The following PRR5L variants were observed in gnomAD, a reference collection of about 807,000 sequenced individuals.
PRR5L encodes proline-rich protein 5-like.
In PRR5L, 21 loss-of-function variants were observed where a neutral mutation model predicts 36.4. That is an observed-to-expected ratio of 0.58 (90% CI 0.41 to 0.83). PRR5L has a LOEUF of 0.83. Ranked by LOEUF, PRR5L falls within the 40% of genes least tolerant of loss-of-function variation. The probability of loss-of-function intolerance (pLI) is 0.00; values close to 1 mark genes in which losing one functional copy is unlikely to be tolerated. For missense variants in PRR5L, 381 were observed against 473.3 expected (o/e 0.80, Z 1.81); for synonymous variants, 188 against 197.0 (o/e 0.95, Z 0.38).
intron 4 of PRR5L, among the ~76,000 whole-genome samples, chr11:36,430,499 T>C (rs1858471391): frequency 6.6e-6 from 1 of 152,220 alleles, no homozygotes; most frequent in African/African-American, 2.4e-5. Context: ...TTGGTTAATG[T>C]GTATCCATCA....
intron 1 of PRR5L, among the ~76,000 whole-genome samples, chr11:36,299,721 G>T (rs1000538058): frequency 6.6e-6 from 1 of 152,202 alleles, no homozygotes; most frequent in South Asian, 2.1e-4. Flanking sequence ...ATTATTCAGC[G>T]AGTGGCGGGG....
At chr11:36,376,736 G>T in intron 1 of PRR5L, 1 of 984,796 alleles carries the variant, frequency 1.0e-6, no homozygotes, top group Non-Finnish European at 1.2e-6. Context: ...TCTCTGGGAG[G>T]GGCCGGAGTC....
At chr11:36,374,295 A>G (rs966041298) in intron 1 of PRR5L, among the ~76,000 whole-genome samples, 2 of 151,982 alleles carry the variant, frequency 1.3e-5, no homozygotes, top group Admixed American at 1.3e-4. Context: ...GGGTTTCGCT[A>G]TGTTGGCCAG....
At chr11:36,387,381 C>T (rs183217904) in intron 1 of PRR5L, among the ~76,000 whole-genome samples, 1 of 151,696 alleles carries the variant, frequency 6.6e-6, no homozygotes, top group Non-Finnish European at 1.5e-5. Flanking sequence ...CAAACCTGCA[C>T]GTTGTGCACA....
In PRR5L at chr11:36,411,108, A is replaced by T. The variant is rs375906518; in HGVS notation, c.245+7730A>T. 2.0e-5 allele frequency among the ~76,000 whole-genome samples: 3 copies of T among 152,250 alleles called. No homozygotes were observed. The East Asian group carries it at 5.8e-4, about 29-fold the overall frequency. ...AAGCTGCCTCATCGTCTTTAACCTC[A>T]TGTGGGAAGAGAGTTGGGACAAGCA... On this transcript the variant is annotated intron_variant, in intron 3 of 8. Coordinates refer to ENST00000530639, the MANE Select transcript of PRR5L (RefSeq NM_001160167.2).
intron 1 of PRR5L, among the ~76,000 whole-genome samples, chr11:36,397,824 T>C (rs992845055): frequency 6.6e-6 from 1 of 151,088 alleles, no homozygotes; most frequent in Non-Finnish European, 1.5e-5. Context: ...GAGACGAGTT[T>C]CGCTCTTGTT....
At chr11:36,431,805 C>T (rs571024024) in intron 4 of PRR5L, 48 bp from the exon 5 acceptor site, 47 of 1,563,276 alleles carry the variant, frequency 3.0e-5, no homozygotes, top group East Asian at 2.7e-4. Flanking sequence ...TCATCACTTA[C>T]GCTCTGGAGT....
chr11:36,342,677 G>A (rs1047830226), intron 1 of PRR5L, among the ~76,000 whole-genome samples: 2 of 152,188 alleles, frequency 1.3e-5, no homozygotes, highest in Admixed American at 6.5e-5. Flanking sequence ...ACTTGGAAAC[G>A]GGTGGGATGG....
intron 1 of PRR5L, among the ~76,000 whole-genome samples, chr11:36,355,723 T>A (rs894294077): frequency 1.4e-4 from 21 of 151,446 alleles, no homozygotes; most frequent in South Asian, 6.3e-4. Context: ...CTATTTTTTT[T>A]AATTTTTTTT....
At chr11:36,424,772 G>C (rs1181962635) in intron 4 of PRR5L, among the ~76,000 whole-genome samples, 1 of 152,066 alleles carries the variant, frequency 6.6e-6, no homozygotes, top group Non-Finnish European at 1.5e-5. Flanking sequence ...GAATCTGTTA[G>C]AGAAGCAAAG....
chr11:36,433,324 A>G (rs1007764401), intron 5 of PRR5L, among the ~76,000 whole-genome samples: 26 of 152,046 alleles, frequency 1.7e-4, no homozygotes, highest in African/African-American at 5.6e-4. Context: ...TGACTAATCT[A>G]GGCGTCTTAT....
At chr11:36,421,625 T>C (rs1271968635) in intron 4 of PRR5L, among the ~76,000 whole-genome samples, 1 of 152,230 alleles carries the variant, frequency 6.6e-6, no homozygotes, top group East Asian at 1.9e-4. Flanking sequence ...CCCCACTCCC[T>C]ACAAAGTTCC....
chr11:36,350,699 C>A (rs1856920768), intron 1 of PRR5L, among the ~76,000 whole-genome samples: 1 of 151,206 alleles, frequency 6.6e-6, no homozygotes, highest in South Asian at 2.1e-4. Flanking sequence ...CCCTCCCACC[C>A]TTTCCCCCGA....
chr11:36,413,777 A>G (rs577257705), intron 3 of PRR5L, among the ~76,000 whole-genome samples: 2 of 150,930 alleles, frequency 1.3e-5, no homozygotes, highest in African/African-American at 4.9e-5. Flanking sequence ...TTAGTTACAT[A>G]TGTATACATG....
At position 36,451,725 on chromosome 11, in the gene PRR5L, T is replaced by C. The variant is rs151176625; in HGVS notation, c.712+390T>C. 1.5e-4 allele frequency among the ~76,000 whole-genome samples: 23 copies of C among 152,308 alleles called. No individual in the cohort carries two copies. The East Asian group carries it at 3.9e-3, about 26-fold the overall frequency. The stretch of plus-strand genomic sequence containing the variant: ...GAGTAGAGAAACCTCCTGAGATAGA[T>C]TTCCCTTTGAAACCAACTGGAAATG... On this transcript the variant is annotated intron_variant, in intron 8 of 8. Transcript: ENST00000530639.
chr11:36,395,505 C>T (rs1279469046), intron 1 of PRR5L, among the ~76,000 whole-genome samples: 3 of 152,190 alleles, frequency 2.0e-5, no homozygotes, highest in Non-Finnish European at 4.4e-5. Flanking sequence ...AAATACGGAA[C>T]ATTTCTGTCA....
intron 8 of PRR5L, among the ~76,000 whole-genome samples, chr11:36,458,492 CA>C (rs1453871042): frequency 1.3e-4 from 20 of 152,242 alleles, no homozygotes; most frequent in Non-Finnish European, 2.6e-4. Context: ...TTGTCACCAC[CA>C]AATAGGCCCC....
intron 1 of PRR5L, among the ~76,000 whole-genome samples, chr11:36,331,215 C>T (rs909663076): frequency 6.6e-6 from 1 of 152,190 alleles, no homozygotes; most frequent in Non-Finnish European, 1.5e-5. Flanking sequence ...TTTTATTTGA[C>T]ATGCTTCATA....
intron 4 of PRR5L, among the ~76,000 whole-genome samples, chr11:36,430,988 C>T (rs762676802): frequency 1.3e-5 from 2 of 152,128 alleles, no homozygotes; most frequent in African/African-American, 4.8e-5. Flanking sequence ...TAATCATAGG[C>T]CTGGGTAATC....
Sources: allele counts gnomAD v4.1 joint callset (sites outside exome capture counted in the v4.1 genomes callset), GRCh38; gene constraint gnomAD v4.1.1; transcripts MANE v1.5; gene names NCBI Gene and HGNC (gene_info 2026-07-23, HGNC 2026-07-21).